UNC79: variants seen among roughly 807,000 people sequenced by gnomAD.
UNC79 encodes the protein protein unc-79 homolog.
In UNC79, 37 loss-of-function variants were observed where a neutral mutation model predicts 283.1. The ratio of observed to expected loss-of-function variants is 0.13; its 90% confidence interval spans 0.10 to 0.17. The LOEUF (loss-of-function observed/expected upper bound fraction) is 0.17. Among genes scored for constraint, UNC79 ranks in the 10% least tolerant of loss-of-function variants. The pLI is 1.00. For synonymous variants in UNC79, 1,107 were observed against 1,200.2 expected (o/e 0.92, Z 1.61); for missense variants, 2,272 against 3,211.1 (o/e 0.71, Z 7.07).
At chr14:93,388,154 C>A (rs1344956318) in intron 1 of UNC79, among the ~76,000 whole-genome samples, 6 of 151,976 alleles carry the variant, frequency 3.9e-5, no homozygotes, top group African/African-American at 1.5e-4. Context: ...CCCTGTCACC[C>A]AGGCCAGAGT....
chr14:93,372,934 A>G (rs375603190), intron 1 of UNC79, among the ~76,000 whole-genome samples: 5 of 152,242 alleles, frequency 3.3e-5, no homozygotes, highest in African/African-American at 1.2e-4. Context: ...ACATGTTAAC[A>G]AGTTCAAAAG....
chr14:93,613,694 G>A (rs577833740), intron 27 of UNC79, among the ~76,000 whole-genome samples: 4 of 152,248 alleles, frequency 2.6e-5, no homozygotes, highest in African/African-American at 4.8e-5. Context: ...GATTACAGGC[G>A]TGAGCCACTG....
At chr14:93,375,110 G>A (rs1315532822) in intron 1 of UNC79, among the ~76,000 whole-genome samples, 1 of 152,188 alleles carries the variant, frequency 6.6e-6, no homozygotes, top group African/African-American at 2.4e-5. Flanking sequence ...TTTAAGAGAT[G>A]GTTGAGGCTG....
chr14:93,333,927 T>G (rs2053516103), intron 1 of UNC79, among the ~76,000 whole-genome samples: 1 of 152,192 alleles, frequency 6.6e-6, no homozygotes, highest in Non-Finnish European at 1.5e-5. Flanking sequence ...CCAGGCATTC[T>G]GAACCCAGTG....
intron 1 of UNC79, among the ~76,000 whole-genome samples, chr14:93,367,616 G>A (rs2054361888): frequency 6.7e-6 from 1 of 148,522 alleles, no homozygotes; most frequent in South Asian, 2.2e-4. Flanking sequence ...AGCAACAATA[G>A]GTATGGTAAA....
At chr14:93,603,277 G>T in exon 26 of UNC79, 1 of 1,614,148 alleles carries the variant, frequency 6.2e-7, no homozygotes, top group Non-Finnish European at 8.5e-7. Flanking sequence ...TAACCTCAGC[G>T]ATGCAGCCTT....
At chr14:93,370,596 C>A (rs1265812452) in intron 1 of UNC79, among the ~76,000 whole-genome samples, 2 of 152,084 alleles carry the variant, frequency 1.3e-5, no homozygotes, top group East Asian at 3.9e-4. Flanking sequence ...CACGGTGAAA[C>A]CCCGTCTCTA....
At chr14:93,425,163 A>G (rs2055696368) in intron 1 of UNC79, among the ~76,000 whole-genome samples, 1 of 152,170 alleles carries the variant, frequency 6.6e-6, no homozygotes, top group Non-Finnish European at 1.5e-5. Flanking sequence ...CTTAACAATC[A>G]TGGTGGAAGG....
At chr14:93,642,574 G>A (rs1407513413) in intron 33 of UNC79, among the ~76,000 whole-genome samples, 1 of 152,128 alleles carries the variant, frequency 6.6e-6, no homozygotes, top group Non-Finnish European at 1.5e-5. Context: ...GCCTTGGAAG[G>A]TCCACACAGG....
chr14:93,668,851 A>C (rs897382135), intron 40 of UNC79, among the ~76,000 whole-genome samples: 3 of 146,200 alleles, frequency 2.1e-5, no homozygotes, highest in South Asian at 4.4e-4. Flanking sequence ...GTCCTTCACA[A>C]AAAAAAAAAA....
chr14:93,346,936 C>A (rs1363009177), intron 1 of UNC79, among the ~76,000 whole-genome samples: 1 of 150,700 alleles, frequency 6.6e-6, no homozygotes, highest in East Asian at 2.0e-4. Context: ...CGGGGCAGAG[C>A]AGGGGGTACT....
At chr14:93,680,019 A>G (rs549206704) in intron 41 of UNC79, among the ~76,000 whole-genome samples, 17 of 152,358 alleles carry the variant, frequency 1.1e-4, no homozygotes, top group African/African-American at 4.1e-4. Flanking sequence ...ATGCTGGATG[A>G]CAATGCATGG....
At chr14:93,574,068 A>C (rs2063345058) in intron 16 of UNC79, among the ~76,000 whole-genome samples, 1 of 152,252 alleles carries the variant, frequency 6.6e-6, no homozygotes. Context: ...TTTATTCCCA[A>C]ATGGATTTCA....
intron 1 of UNC79, among the ~76,000 whole-genome samples, chr14:93,391,527 G>A (rs761714043): frequency 1.3e-5 from 2 of 152,132 alleles, no homozygotes; most frequent in Non-Finnish European, 2.9e-5. Flanking sequence ...AAACTGAAGG[G>A]CGTACAAAGG....
At chr14:93,660,683 G>A (rs1023009697) in intron 39 of UNC79, among the ~76,000 whole-genome samples, 6 of 150,806 alleles carry the variant, frequency 4.0e-5, no homozygotes, top group South Asian at 4.2e-4. Flanking sequence ...TCCGGCTCCC[G>A]GGTTCAAACA....
In UNC79 at chr14:93,688,628, G is replaced by T. The variant is rs1431146690; in HGVS notation, c.6910-37G>T. On this transcript the variant is annotated intron_variant, in intron 43 of 48. Coordinates refer to ENST00000555664, the Ensembl canonical transcript of UNC79. This position sits in a 1 kb window ranked among gnomAD's most constrained non-coding sequence, Gnocchi z 4.0. ...AGAATGGCCTGGAATGAATCCAGGT[G>T]TCTGCCAGAGTTACAAAATACCATT... 1.3e-6 allele frequency: 2 copies of T among 1,597,726 alleles called. No individual in the cohort carries two copies. Among genetic ancestry groups the T allele is most frequent in the Non-Finnish European group, 1.7e-6 (2 of 1,170,284 alleles).
intron 40 of UNC79, among the ~76,000 whole-genome samples, chr14:93,673,073 T>A (rs1369262059): frequency 1.3e-5 from 2 of 152,232 alleles, no homozygotes; most frequent in African/African-American, 4.8e-5. Context: ...CTGTTTCCTG[T>A]GAATAAGAAC....
At chr14:93,464,408 T>A (rs766892397) in intron 1 of UNC79, 5 of 387,934 alleles carry the variant, frequency 1.3e-5, no homozygotes, top group African/African-American at 4.2e-5. Context: ...TTCTGGTATC[T>A]CTTATGTGTC....
chr14:93,532,664 A>G (rs2060884073), intron 11 of UNC79, 86 bp downstream of exon 11: 1 of 1,557,112 alleles, frequency 6.4e-7, no homozygotes, highest in Admixed American at 1.7e-5. Flanking sequence ...TCATTTCTGC[A>G]CCGTGGTTTC....
Sources: gnomAD v4.1 joint callset for allele counts (sites outside exome capture counted in the v4.1 genomes callset) on GRCh38, gnomAD v4.1.1 for gene constraint, Gnocchi (gnomAD v3.1) non-coding constraint, MANE v1.5 for transcripts, NCBI Gene and HGNC (gene_info 2026-07-23, HGNC 2026-07-21) for gene names.